PTPRD: variants seen among roughly 807,000 people sequenced by gnomAD.
PTPRD encodes the protein protein tyrosine phosphatase receptor type D.
In PTPRD, 34 loss-of-function variants were observed where a neutral mutation model predicts 214.5. That is an observed-to-expected ratio of 0.16 (90% confidence interval 0.12 to 0.21). The LOEUF (loss-of-function observed/expected upper bound fraction) is 0.21. Among genes scored for constraint, PTPRD ranks in the 10% least tolerant of loss-of-function variants. The probability of loss-of-function intolerance (pLI) is 1.00; values close to 1 mark genes in which losing one functional copy is unlikely to be tolerated. For synonymous variants in PTPRD, 1,128 were observed against 845.7 expected (o/e 1.33, Z -5.79); for missense variants, 2,545 against 2,398.7 (o/e 1.06, Z -1.27).
intron 10 of PTPRD, among the ~76,000 whole-genome samples, chr9:9,092,624 T>A (rs2099777886): frequency 6.6e-6 from 1 of 151,324 alleles, no homozygotes; most frequent in Admixed American, 6.6e-5. Context: ...AGTTATGACT[T>A]GAAAATATGA....
chr9:10,487,514 A>G (rs1175538272), intron 2 of PTPRD, among the ~76,000 whole-genome samples: 2 of 152,166 alleles, frequency 1.3e-5, no homozygotes, highest in African/African-American at 4.8e-5. Context: ...ACTATCTTAT[A>G]ATATCTTATA....
chr9:10,156,762 G>C (rs769708763), intron 3 of PTPRD, among the ~76,000 whole-genome samples: 1 of 152,152 alleles, frequency 6.6e-6, no homozygotes, highest in Admixed American at 6.6e-5. Context: ...TGTTGCATGG[G>C]AGTCTAAGTC....
At chr9:9,813,214 G>A (rs1363387800) in intron 5 of PTPRD, among the ~76,000 whole-genome samples, 1 of 151,812 alleles carries the variant, frequency 6.6e-6, no homozygotes, top group African/African-American at 2.4e-5. Context: ...TCTCAAATAA[G>A]CAACCTAATT....
At chr9:9,116,747 TC>T (rs2154459295) in intron 10 of PTPRD, among the ~76,000 whole-genome samples, 1 of 152,248 alleles carries the variant, frequency 6.6e-6, no homozygotes, top group African/African-American at 2.4e-5. Flanking sequence ...CCTTAAATCT[TC>T]CTTGCACAGA....
At chr9:8,771,147 C>CTCCA (rs1413789113) in intron 11 of PTPRD, among the ~76,000 whole-genome samples, 1 of 147,486 alleles carries the variant, frequency 6.8e-6, no homozygotes, top group Non-Finnish European at 1.5e-5. Flanking sequence ...CACCACTGCA[C>CTCCA]TCCAGCCTGG....
chr9:9,400,518 A>C (rs1382008327), intron 8 of PTPRD, among the ~76,000 whole-genome samples: 1 of 152,050 alleles, frequency 6.6e-6, no homozygotes. Flanking sequence ...ACCTTTATCT[A>C]ACCAAAAAAA....
At chr9:9,655,436 G>A (rs2096485282) in intron 7 of PTPRD, among the ~76,000 whole-genome samples, 1 of 151,938 alleles carries the variant, frequency 6.6e-6, no homozygotes, top group Non-Finnish European at 1.5e-5. Flanking sequence ...GGGCGTGGTG[G>A]CATGTGTTTG....
At chr9:9,331,185 C>T (rs984466395) in intron 9 of PTPRD, among the ~76,000 whole-genome samples, 7 of 152,142 alleles carry the variant, frequency 4.6e-5, no homozygotes, top group African/African-American at 1.4e-4. Context: ...GTTCTCTTCT[C>T]TCCAAAACCA....
At chr9:8,383,167 G>T (rs1349414277) in intron 37 of PTPRD, among the ~76,000 whole-genome samples, 1 of 152,188 alleles carries the variant, frequency 6.6e-6, no homozygotes, top group Admixed American at 6.5e-5. Flanking sequence ...GAAAATGTTT[G>T]AGCACAATCT....
intron 11 of PTPRD, among the ~76,000 whole-genome samples, chr9:8,960,981 A>G (rs1489029447): frequency 2.0e-5 from 3 of 152,076 alleles, no homozygotes; most frequent in Non-Finnish European, 4.4e-5. Context: ...GAAAAGAAAA[A>G]TTCTATTGCT....
At chr9:9,455,471 A>C (rs2092856568) in intron 8 of PTPRD, among the ~76,000 whole-genome samples, 1 of 151,604 alleles carries the variant, frequency 6.6e-6, no homozygotes, top group Non-Finnish European at 1.5e-5. Context: ...AATCATTCCA[A>C]CACAGGTTAA....
chr9:8,708,162 GTTA>G (rs2098248156), intron 12 of PTPRD, among the ~76,000 whole-genome samples: 1 of 152,126 alleles, frequency 6.6e-6, no homozygotes. Flanking sequence ...CAGCCAACCA[GTTA>G]TTGAGAGTAT....
intron 35 of PTPRD, among the ~76,000 whole-genome samples, chr9:8,421,955 C>T (rs1274748790): frequency 6.6e-6 from 1 of 151,378 alleles, no homozygotes; most frequent in East Asian, 1.9e-4. Flanking sequence ...CGAGACCAAC[C>T]TGTGCAACAT....
chr9:8,656,176 G>C (rs947965689), intron 12 of PTPRD, among the ~76,000 whole-genome samples: 3 of 152,128 alleles, frequency 2.0e-5, no homozygotes, highest in Non-Finnish European at 2.9e-5. Flanking sequence ...TATTCTCTGA[G>C]ACCAGATCCT....
chr9:9,845,294 G>T (rs1023427184), intron 5 of PTPRD, among the ~76,000 whole-genome samples: 14 of 146,196 alleles, frequency 9.6e-5, no homozygotes, highest in African/African-American at 3.3e-4. Context: ...AGAAAAGAGA[G>T]AAAGGGATAT....
chr9:9,909,926 ATAGATAG>A (rs1177337512), intron 5 of PTPRD, among the ~76,000 whole-genome samples: 2 of 152,046 alleles, frequency 1.3e-5, no homozygotes, highest in Admixed American at 6.6e-5. Flanking sequence ...TGTAATACCT[ATAGATAG>A]TAGATAAGGC....
At chr9:9,860,748 G>C (rs1197509935) in intron 5 of PTPRD, among the ~76,000 whole-genome samples, 1 of 152,082 alleles carries the variant, frequency 6.6e-6, no homozygotes, top group Admixed American at 6.5e-5. Context: ...AACAATTGTA[G>C]TTCATTACTG....
At position 8,521,950 on chromosome 9, in the gene PTPRD, G is replaced by T. The variant is rs553032832; in HGVS notation, c.692-404C>A. Among the ~76,000 whole-genome samples the T allele has an allele frequency of 2.4e-4, 36 of 152,318 alleles. No individual in the cohort carries two copies. In the South Asian group the frequency reaches 2.7e-3, roughly 11 times the overall value. ...GCTGGAAGGTCACCAGCATGTTTAA[G>T]TTGAGTATCAAAACCAACTTCAGTG... On this transcript the variant is annotated intron_variant, in intron 19 of 45. Transcript: ENST00000381196.
chr9:8,357,550 G>C (rs547125862), intron 39 of PTPRD, among the ~76,000 whole-genome samples: 24 of 152,140 alleles, frequency 1.6e-4, no homozygotes, highest in Non-Finnish European at 3.4e-4. Context: ...TCCTTTTATT[G>C]GCTCTGTCTG....
Sources: gnomAD v4.1 joint callset for allele counts (sites outside exome capture counted in the v4.1 genomes callset) on GRCh38, gnomAD v4.1.1 for gene constraint, MANE v1.5 for transcripts, NCBI Gene and HGNC (gene_info 2026-07-23, HGNC 2026-07-21) for gene names.